Variants in NEURL1 observed in about 807,000 individuals in gnomAD.
NEURL1 encodes the protein neuralized E3 ubiquitin protein ligase 1, also known as E3 ubiquitin-protein ligase NEURL1.
NEURL1 carries 26 observed loss-of-function variants against 41.2 expected under a neutral mutation model. That is an observed-to-expected ratio of 0.63 (90% CI 0.46 to 0.87). The LOEUF (loss-of-function observed/expected upper bound fraction) is 0.87, where lower values mean the gene tolerates loss of function less well. Among genes scored for constraint, NEURL1 ranks in the 40% least tolerant of loss-of-function variants. The pLI, the probability that NEURL1 is intolerant of heterozygous loss-of-function variation, is 0.00. For missense variants in NEURL1, 761 were observed against 871.1 expected (o/e 0.87, Z 1.59); for synonymous variants, 400 against 402.3 (o/e 0.99, Z 0.07).
In NEURL1 at chr10:103,570,955, G is replaced by A; in HGVS notation, c.169G>A (p.Gly57Arg). Residue 57 changes from glycine to arginine, a missense_variant, in exon 2 of 6, where the codon GGG (glycine) becomes AGG (arginine). Physicochemically the swap from Gly to Arg is moderately radical, Grantham distance 125. Coordinates refer to ENST00000369780, the MANE Select transcript of NEURL1 (RefSeq NM_004210.5). ...KHCPAVLPSG[G>R]LPATPLLFHP... ...CTGTCCGGCAGTGCTGCCCAGCGGGGGGCTCCCAGCCACGCCGCTGCTCTT... is the reference window on the plus strand; with the variant it reads ...CTGTCCGGCAGTGCTGCCCAGCGGGAGGCTCCCAGCCACGCCGCTGCTCTT... 1 of 1,613,932 alleles carries A rather than the reference G, an allele frequency of 6.2e-7. No homozygotes were observed. Among genetic ancestry groups the A allele is most frequent in the Non-Finnish European group, 8.5e-7 (1 of 1,180,008 alleles).
At chr10:103,502,428 G>A (rs3014205) in intron 1 of NEURL1, among the ~76,000 whole-genome samples, 36,596 of 152,010 alleles carry the variant, frequency 0.24, 5,644 homozygotes, top group African/African-American at 0.42. Flanking sequence ...CCTTCTTGCT[G>A]TGGCCTCACA....
chr10:103,537,639 C>A (rs1592205672), intron 1 of NEURL1, among the ~76,000 whole-genome samples: 1 of 152,316 alleles, frequency 6.6e-6, no homozygotes, highest in East Asian at 1.9e-4. Context: ...AGCGATCCGC[C>A]CACCTCAGCC....
intron 3 of NEURL1, among the ~76,000 whole-genome samples, chr10:103,581,339 C>T (rs1325590804): frequency 4.6e-5 from 7 of 152,208 alleles, no homozygotes; most frequent in Admixed American, 1.3e-4. Flanking sequence ...CCAATAACAA[C>T]GGCTTATATT....
Position 103,571,512 on chromosome 10 carries a change from GCA to G in NEURL1, c.340_341del (p.Gln114ValfsTer22). The G allele has an allele frequency of 1.2e-6, 2 of 1,604,216 alleles. No individual in the cohort carries two copies. The highest frequency in any genetic ancestry group is 1.7e-6 in the Non-Finnish European group (2 of 1,179,056). On this transcript the variant is annotated frameshift_variant, in exon 3 of 6. Transcript: ENST00000369780. LOFTEE classifies it high-confidence loss of function. ...EQVRLKITKK[Q>X]CCWSGALRLG... ...CCCCTGCCACCCAGATCACCAAGAA[GCA>G]GTGCTGCTGGAGCGGGGCCCTGCGG...
Position 103,590,363 on chromosome 10 carries a change from C to T in NEURL1, c.1716C>T (p.Arg572=), listed in dbSNP as rs763184220. 1.2e-6 allele frequency: 2 copies of T among 1,613,634 alleles called. No homozygotes were observed. The highest frequency in any genetic ancestry group is 2.2e-5 in the East Asian group (1 of 44,884). The change falls in exon 6 of 6, where the codon CGC becomes CGT. Residue 572 remains arginine (R), a synonymous_variant. Coordinates refer to ENST00000369780, the MANE Select transcript of NEURL1 (RefSeq NM_004210.5). ...TCAAGGACATCATCAAGACCTACCG[C>T]AGCTCCTAGCCCGTTGCGGTGGCCC... is the stretch of plus-strand genomic sequence containing the variant. ...RPIKDIIKTY[R]SS is the part of the protein sequence containing the mutation.
chr10:103,536,672 C>T lies in NEURL1; in HGVS notation c.86-34200C>T, dbSNP rs80065416. 4.0e-3 allele frequency among the ~76,000 whole-genome samples: 606 copies of T among 152,266 alleles called. 22 individuals carry two copies. The East Asian group carries it at 0.074, about 19-fold the overall frequency. On this transcript the variant is annotated intron_variant, in intron 1 of 5. Transcript: ENST00000369780. ...CTTGTTCTCCTCCCGAGTGTGATAG[C>T]ATTTTTAATGGACAATCCTTTAGGG... is the stretch of plus-strand genomic sequence containing the variant.
chr10:103,578,033 T>A (rs1028154422), intron 3 of NEURL1: 1 of 152,022 alleles, frequency 6.6e-6, no homozygotes, highest in African/African-American at 2.4e-5. Flanking sequence ...GTGGGGTGTA[T>A]GTGGAGGGAG....
chr10:103,529,782 A>G (rs1015408327), intron 1 of NEURL1, among the ~76,000 whole-genome samples: 7 of 152,172 alleles, frequency 4.6e-5, no homozygotes, highest in African/African-American at 1.7e-4. Context: ...CTTGACTCCA[A>G]AGTTGGCCAA....
At chr10:103,575,734 T>C (rs1360892123) in intron 3 of NEURL1, among the ~76,000 whole-genome samples, 1 of 152,236 alleles carries the variant, frequency 6.6e-6, no homozygotes, top group African/African-American at 2.4e-5. Flanking sequence ...ATGCTGGAGT[T>C]CTGCAGATCA....
At chr10:103,507,012 A>T (rs2033963683) in intron 1 of NEURL1, among the ~76,000 whole-genome samples, 1 of 152,202 alleles carries the variant, frequency 6.6e-6, no homozygotes, top group Admixed American at 6.5e-5. Context: ...GCTGGTGGCC[A>T]CTGATTCAAA....
intron 3 of NEURL1, among the ~76,000 whole-genome samples, chr10:103,578,464 A>C (rs1361699505): frequency 1.3e-5 from 2 of 152,164 alleles, no homozygotes; most frequent in Non-Finnish European, 2.9e-5. Flanking sequence ...GGTTCCACAG[A>C]GGTGTCTTGG....
chr10:103,541,253 A>G, intron 1 of NEURL1, among the ~76,000 whole-genome samples: 1 of 152,168 alleles, frequency 6.6e-6, no homozygotes, highest in East Asian at 1.9e-4. Flanking sequence ...AGGATTAAAC[A>G]TACATACATA....
chr10:103,578,337 A>C (rs1328084149), intron 3 of NEURL1, among the ~76,000 whole-genome samples: 2 of 152,208 alleles, frequency 1.3e-5, no homozygotes, highest in African/African-American at 2.4e-5. Context: ...CTCTTCAACT[A>C]GAAGAGGGAG....
intron 3 of NEURL1, among the ~76,000 whole-genome samples, chr10:103,580,038 C>T (rs2035753040): frequency 6.6e-6 from 1 of 152,176 alleles, no homozygotes. Flanking sequence ...CCTGGCTCCT[C>T]CCTCTCCCAG....
At chr10:103,536,405 G>T (rs867119282) in intron 1 of NEURL1, among the ~76,000 whole-genome samples, 2 of 152,090 alleles carry the variant, frequency 1.3e-5, no homozygotes, top group African/African-American at 2.4e-5. Flanking sequence ...TTAGCTGGGC[G>T]TGGGGGTGGG....
chr10:103,589,226 G>A (rs1202922951), intron 4 of NEURL1, among the ~76,000 whole-genome samples: 2 of 152,198 alleles, frequency 1.3e-5, no homozygotes, highest in Non-Finnish European at 2.9e-5. Flanking sequence ...CAGGGGCCTA[G>A]TTTGGAGCTG....
At chr10:103,583,893 A>G (rs2035839399) in intron 3 of NEURL1, among the ~76,000 whole-genome samples, 1 of 151,646 alleles carries the variant, frequency 6.6e-6, no homozygotes, top group African/African-American at 2.4e-5. Context: ...TATATTTTGT[A>G]TAACTTGTAT....
At chr10:103,547,594 C>A (rs1452612420) in intron 1 of NEURL1, among the ~76,000 whole-genome samples, 2 of 152,230 alleles carry the variant, frequency 1.3e-5, no homozygotes, top group African/African-American at 4.8e-5. Context: ...GGAGGGGGGC[C>A]TCCCAGCTTT....
intron 1 of NEURL1, among the ~76,000 whole-genome samples, chr10:103,526,851 G>T (rs867493173): frequency 6.6e-6 from 1 of 151,662 alleles, no homozygotes; most frequent in Admixed American, 6.6e-5. Context: ...AGGTTATAGC[G>T]ACTAGGCTTT....
Sources: allele counts gnomAD v4.1 joint callset (sites outside exome capture counted in the v4.1 genomes callset), GRCh38; gene constraint gnomAD v4.1.1; transcripts MANE v1.5; gene names NCBI Gene and HGNC (gene_info 2026-07-23, HGNC 2026-07-21).